The following TNKS variants were observed in gnomAD, a reference collection of about 807,000 sequenced individuals.
TNKS encodes the protein tankyrase.
Under a neutral mutation model 135.8 loss-of-function variants are expected in TNKS, and 72 were observed. That is an observed-to-expected ratio of 0.53 (90% CI 0.44 to 0.64). The LOEUF is 0.64. Among genes scored for constraint, TNKS ranks in the 30% least tolerant of loss-of-function variants. TNKS has a pLI of 0.00. For missense variants in TNKS, 1,769 were observed against 1,674.0 expected (o/e 1.06, Z -0.99); for synonymous variants, 849 against 649.3 (o/e 1.31, Z -4.68).
intron 1 of TNKS, 51 bp from the exon 2 acceptor site, chr8:9,580,108 C>T (rs1366409431): frequency 2.7e-6 from 4 of 1,497,814 alleles, no homozygotes; most frequent in African/African-American, 2.8e-5. Context: ...TCTAATGGTT[C>T]TTTTTACAAA....
At chr8:9,635,571 A>G (rs1800478523) in intron 3 of TNKS, among the ~76,000 whole-genome samples, 1 of 152,338 alleles carries the variant, frequency 6.6e-6, no homozygotes. Context: ...TAGATTGATA[A>G]TTACTTGGGA....
intron 5 of TNKS, among the ~76,000 whole-genome samples, chr8:9,694,693 C>G (rs563269550): frequency 1.3e-5 from 2 of 149,196 alleles, no homozygotes; most frequent in Non-Finnish European, 3.0e-5. Flanking sequence ...ACTTAGGAGG[C>G]GGAGGCTGCA....
chr8:9,719,261 C>A (rs1452584282), intron 11 of TNKS, among the ~76,000 whole-genome samples: 1 of 152,070 alleles, frequency 6.6e-6, no homozygotes, highest in Non-Finnish European at 1.5e-5. Context: ...AAAAGACTGG[C>A]GACAGGGAGA....
At chr8:9,718,284 A>G (rs1375964668) in intron 11 of TNKS, among the ~76,000 whole-genome samples, 2 of 152,180 alleles carry the variant, frequency 1.3e-5, no homozygotes, top group African/African-American at 4.8e-5. Context: ...ATCAGCTTTT[A>G]GGTTGAGGCA....
At chr8:9,583,098 C>G (rs879828202) in intron 2 of TNKS, among the ~76,000 whole-genome samples, 4 of 144,644 alleles carry the variant, frequency 2.8e-5, no homozygotes, top group Non-Finnish European at 3.0e-5. Context: ...ACCCGGGAGG[C>G]GGAGCTTGAT....
At chr8:9,721,137 G>T (rs1304182238) in intron 12 of TNKS, among the ~76,000 whole-genome samples, 1 of 151,514 alleles carries the variant, frequency 6.6e-6, no homozygotes, top group Non-Finnish European at 1.5e-5. Flanking sequence ...AAAATTAGCT[G>T]GGCGGAGTGG....
chr8:9,760,412 A>C (rs1276095120), intron 20 of TNKS, among the ~76,000 whole-genome samples: 2 of 152,232 alleles, frequency 1.3e-5, no homozygotes, highest in African/African-American at 4.8e-5. Context: ...CTCATATTTT[A>C]TTCTGACAAA....
intron 5 of TNKS, among the ~76,000 whole-genome samples, chr8:9,681,692 A>G (rs868444233): frequency 1.3e-5 from 2 of 152,170 alleles, no homozygotes; most frequent in African/African-American, 4.8e-5. Flanking sequence ...GTTACGGCAA[A>G]TATCAGGATG....
At chr8:9,766,997 T>G (rs183664252) in intron 25 of TNKS, among the ~76,000 whole-genome samples, 3 of 152,208 alleles carry the variant, frequency 2.0e-5, no homozygotes, top group Admixed American at 1.3e-4. Flanking sequence ...GCTTTCTCCC[T>G]GGGCTTCACT....
intron 3 of TNKS, among the ~76,000 whole-genome samples, chr8:9,636,744 G>C (rs560885462): frequency 1.3e-5 from 2 of 152,302 alleles, no homozygotes; most frequent in East Asian, 3.9e-4. Flanking sequence ...TTGGTCAAGA[G>C]TGCTTTCACT....
intron 2 of TNKS, among the ~76,000 whole-genome samples, chr8:9,603,134 C>T (rs1367466498): frequency 2.6e-5 from 4 of 151,968 alleles, no homozygotes; most frequent in African/African-American, 9.7e-5. Context: ...CTCACTGCAA[C>T]CTCCATCTCC....
chr8:9,606,376 T>C (rs1294493248), intron 2 of TNKS, among the ~76,000 whole-genome samples: 1 of 152,036 alleles, frequency 6.6e-6, no homozygotes, highest in African/African-American at 2.4e-5. Context: ...TAACACAAAG[T>C]AGCTAGTTTA....
At chr8:9,639,360 G>T (rs946182359) in intron 3 of TNKS, among the ~76,000 whole-genome samples, 8 of 151,992 alleles carry the variant, frequency 5.3e-5, no homozygotes, top group African/African-American at 1.9e-4. Context: ...TTATTGCCAG[G>T]ATGTAAGAGT....
chr8:9,671,393 T>A (rs542006433), intron 3 of TNKS, among the ~76,000 whole-genome samples: 1 of 152,292 alleles, frequency 6.6e-6, no homozygotes, highest in African/African-American at 2.4e-5. Flanking sequence ...CAAATTGAGA[T>A]ACATCCATAT....
At chr8:9,567,892 A>C (rs1232961017) in intron 1 of TNKS, among the ~76,000 whole-genome samples, 1 of 152,184 alleles carries the variant, frequency 6.6e-6, no homozygotes, top group African/African-American at 2.4e-5. Flanking sequence ...TACATTTAAA[A>C]ATGGTTATGA....
At chr8:9,695,353 T>A (rs1465215078) in intron 5 of TNKS, among the ~76,000 whole-genome samples, 1 of 152,208 alleles carries the variant, frequency 6.6e-6, no homozygotes, top group Non-Finnish European at 1.5e-5. Flanking sequence ...GTTACTGACT[T>A]AATTTTTTCA....
Position 9,706,243 on chromosome 8 carries a change from T to G in TNKS, c.1259T>G (p.Leu420Arg). Residue 420 changes from leucine (L) to arginine (R), a missense_variant, in exon 7 of 27, where the codon CTG becomes CGG. By Grantham distance (102) the Leu-to-Arg change is moderately radical. Coordinates refer to ENST00000310430, the MANE Select transcript of TNKS (RefSeq NM_003747.3). ...CSYGHYEVTELLLKHGACVNA... is the reference protein window; with the variant it reads ...CSYGHYEVTERLLKHGACVNA... ...TATGGACATTATGAAGTCACAGAAC[T>G]GCTACTAAAGGTAAGAGAAATTCAG... is the stretch of plus-strand genomic sequence containing the variant. The G allele has an allele frequency of 6.4e-7, 1 of 1,571,266 alleles. No homozygotes were observed. The highest frequency in any genetic ancestry group is 8.6e-7 in the Non-Finnish European group (1 of 1,162,176).
chr8:9,709,914 T>C (rs753828496), intron 9 of TNKS, 41 bp from the exon 10 acceptor site: 17 of 1,482,652 alleles, frequency 1.1e-5, no homozygotes, highest in Non-Finnish European at 1.6e-5. Flanking sequence ...ACTGTACATA[T>C]GGAAGTGTAT....
Position 9,751,987 on chromosome 8 carries a change from A to G in TNKS, c.3070+141A>G. The G allele has an allele frequency of 4.0e-6, 3 of 745,136 alleles. No individual in the cohort carries two copies. In the South Asian group the frequency reaches 5.4e-5, roughly 14 times the overall value. The allele number at this position is 745,136 out of a possible 1,614,324, so 46.2% of individuals were successfully genotyped here. ...TTCATACACACAACATCTTACAAGA[A>G]ATATTTCTTCATAGAAGGCTGCCAC... On this transcript the variant is annotated intron_variant, in intron 19 of 26. Transcript: ENST00000310430.
Sources: gnomAD v4.1 joint callset for allele counts (sites outside exome capture counted in the v4.1 genomes callset) on GRCh38, gnomAD v4.1.1 for gene constraint, MANE v1.5 for transcripts, NCBI Gene and HGNC (gene_info 2026-07-23, HGNC 2026-07-21) for gene names.